Variants in UHRF2 observed in about 807,000 individuals in gnomAD.
The protein encoded by UHRF2 is ubiquitin like with PHD and ring finger domains 2.
In UHRF2, 23 loss-of-function variants were observed where a neutral mutation model predicts 96.8. The observed-to-expected ratio is 0.24, with a 90% CI of 0.17 to 0.34. UHRF2 has a LOEUF of 0.34. Among genes scored for constraint, UHRF2 ranks in the 10% least tolerant of loss-of-function variants. The pLI, the probability that UHRF2 is intolerant of heterozygous loss-of-function variation, is 1.00. For synonymous variants in UHRF2, 385 were observed against 332.6 expected, an observed-to-expected ratio of 1.16 and a Z score of -1.72; for missense variants, 685 against 981.5, an observed-to-expected ratio of 0.70 and a Z score of 4.04.
intron 3 of UHRF2, among the ~76,000 whole-genome samples, chr9:6,445,367 G>A (rs759533017): frequency 2.6e-5 from 4 of 152,178 alleles, no homozygotes; most frequent in East Asian, 1.9e-4. Context: ...AGGTTCAAGC[G>A]ATTCTCCTGC....
At position 6,506,328 on chromosome 9, in the gene UHRF2, TGTA is replaced by T. The variant is rs1816581619; in HGVS notation, c.*153_*155del. The T allele has an allele frequency of 9.8e-7, 1 of 1,017,498 alleles. No individual in the cohort carries two copies. The highest frequency in any genetic ancestry group is 1.4e-6 in the Non-Finnish European group (1 of 718,390). The allele number at this position is 1,017,498 out of a possible 1,614,324, so 63.0% of individuals were successfully genotyped here. On this transcript the variant is annotated 3_prime_UTR_variant, in exon 16 of 16. Coordinates refer to ENST00000276893, the MANE Select transcript of UHRF2 (RefSeq NM_152896.3). ...TCCCACATAGCCATCATCTTGTGTG[TGTA>T]GTAAGAGGCCCATTTCTCAACTGTC...
intron 3 of UHRF2, among the ~76,000 whole-genome samples, chr9:6,447,824 G>C (rs751425324): frequency 1.3e-5 from 2 of 152,190 alleles, no homozygotes; most frequent in Non-Finnish European, 2.9e-5. Flanking sequence ...CTATGTACGA[G>C]AAGCCAACAA....
At chr9:6,497,054 T>A in intron 10 of UHRF2, 144 bp from the exon 11 acceptor site, 2 of 790,534 alleles carry the variant, frequency 2.5e-6, no homozygotes, top group East Asian at 5.4e-5. Flanking sequence ...GAAAGCATAA[T>A]CCTATTATCT....
intron 3 of UHRF2, among the ~76,000 whole-genome samples, chr9:6,436,752 A>C (rs1459384602): frequency 6.6e-6 from 1 of 152,230 alleles, no homozygotes; most frequent in East Asian, 1.9e-4. Context: ...ACAGTACCTT[A>C]GCATATATTT....
At chr9:6,442,456 T>G (rs114865613) in intron 3 of UHRF2, among the ~76,000 whole-genome samples, 495 of 15,422 alleles carry the variant, frequency 0.032, 4 homozygotes, top group African/African-American at 0.069. Flanking sequence ...CATAAGGTTT[T>G]GTTTTGTTTT....
At chr9:6,505,310 T>A (rs1043940270) in intron 15 of UHRF2, among the ~76,000 whole-genome samples, 4 of 152,110 alleles carry the variant, frequency 2.6e-5, no homozygotes, top group African/African-American at 9.7e-5. Context: ...TATATATATA[T>A]TTTTTGACGG....
chr9:6,497,697 A>G (rs577500941), intron 11 of UHRF2, among the ~76,000 whole-genome samples: 4 of 152,288 alleles, frequency 2.6e-5, no homozygotes, highest in Admixed American at 6.5e-5. Flanking sequence ...TAGATTTTCA[A>G]AGCAGCACAT....
At chr9:6,456,854 G>A (rs1307364846) in intron 3 of UHRF2, among the ~76,000 whole-genome samples, 6 of 152,186 alleles carry the variant, frequency 3.9e-5, no homozygotes, top group South Asian at 2.1e-4. Flanking sequence ...GATGTGTGGC[G>A]TTATTTCTGA....
intron 2 of UHRF2, among the ~76,000 whole-genome samples, chr9:6,423,160 C>T (rs943945448): frequency 4.0e-5 from 6 of 151,826 alleles, no homozygotes; most frequent in Non-Finnish European, 7.4e-5. Flanking sequence ...AAAATGCCAA[C>T]AGATCTACAT....
At chr9:6,504,404 A>G (rs544482225) in intron 14 of UHRF2, 189 bp from the exon 15 acceptor site, 7 of 400,368 alleles carry the variant, frequency 1.7e-5, no homozygotes, top group Non-Finnish European at 3.1e-5. Flanking sequence ...ATACATGTGA[A>G]ATTTTGATAT....
Position 6,439,179 on chromosome 9 carries a change from C to T in UHRF2, c.644+5006C>T, listed in dbSNP as rs117829702. ...CTATAGATTTCTTGGTGAACATAGG[C>T]TGAATTGTTTTTTGTTTGTTTCTTT... is the stretch of plus-strand genomic sequence containing the variant. On this transcript the variant is annotated intron_variant, in intron 3 of 15. Transcript: ENST00000276893. Among the ~76,000 whole-genome samples, 1,367 of 152,196 alleles carry T rather than the reference C, an allele frequency of 9.0e-3. 14 individuals are homozygous for T. The highest frequency in any genetic ancestry group is 0.015 in the Non-Finnish European group (1,031 of 67,998).
chr9:6,425,226 A>G (rs1820180509), intron 2 of UHRF2, among the ~76,000 whole-genome samples: 1 of 152,258 alleles, frequency 6.6e-6, no homozygotes, highest in Non-Finnish European at 1.5e-5. Context: ...GTATTTATTC[A>G]GACATTTACA....
chr9:6,471,322 C>T (rs920703484), intron 4 of UHRF2, among the ~76,000 whole-genome samples: 26 of 152,094 alleles, frequency 1.7e-4, no homozygotes, highest in African/African-American at 6.0e-4. Flanking sequence ...AATGAATTAG[C>T]TCAGCAAACT....
At chr9:6,466,973 C>G (rs982599897) in intron 4 of UHRF2, among the ~76,000 whole-genome samples, 1 of 152,194 alleles carries the variant, frequency 6.6e-6, no homozygotes, top group Non-Finnish European at 1.5e-5. Flanking sequence ...CTGACTTTTT[C>G]TGAATTCTTT....
intron 5 of UHRF2, 25 bp from the exon 6 acceptor site, chr9:6,477,597 C>A (rs761705538): frequency 5.1e-6 from 8 of 1,563,964 alleles, no homozygotes; most frequent in South Asian, 1.2e-5. Flanking sequence ...TAAGACTAGA[C>A]TTGCTATAAT....
intron 3 of UHRF2, among the ~76,000 whole-genome samples, chr9:6,448,806 A>T (rs1821676781): frequency 6.6e-6 from 1 of 152,234 alleles, no homozygotes; most frequent in Non-Finnish European, 1.5e-5. Flanking sequence ...ACTTGTCTTC[A>T]TTGTAAGCCT....
chr9:6,482,568 C>A (rs2130912741), intron 8 of UHRF2, among the ~76,000 whole-genome samples: 1 of 150,942 alleles, frequency 6.6e-6, no homozygotes, highest in South Asian at 2.1e-4. Flanking sequence ...TTACAGACAC[C>A]CAGGATTCTG....
intron 3 of UHRF2, among the ~76,000 whole-genome samples, chr9:6,434,626 A>G (rs1375147889): frequency 2.6e-5 from 4 of 151,700 alleles, no homozygotes; most frequent in African/African-American, 9.7e-5. Context: ...TTTAGTAGAG[A>G]TGGGGTTTCA....
chr9:6,458,172 C>G (rs1044198092), intron 3 of UHRF2, among the ~76,000 whole-genome samples: 22 of 152,112 alleles, frequency 1.4e-4, no homozygotes, highest in African/African-American at 5.1e-4. Context: ...TTATTGGTCT[C>G]AATTTCGGAA....
Sources: gnomAD v4.1 joint callset for allele counts (sites outside exome capture counted in the v4.1 genomes callset) on GRCh38, gnomAD v4.1.1 for gene constraint, MANE v1.5 for transcripts, NCBI Gene and HGNC (gene_info 2026-07-23, HGNC 2026-07-21) for gene names.